The following FAM13C variants were observed in gnomAD, a reference collection of about 807,000 sequenced individuals.
FAM13C encodes the protein family with sequence similarity 13 member C.
Under a neutral mutation model 73.2 loss-of-function variants are expected in FAM13C, and 37 were observed. The ratio of observed to expected loss-of-function variants is 0.51; its 90% CI spans 0.39 to 0.67. FAM13C has a LOEUF of 0.67. Among genes scored for constraint, FAM13C ranks in the 30% least tolerant of loss-of-function variants. The probability of loss-of-function intolerance (pLI) is 0.00; values close to 1 mark genes in which losing one functional copy is unlikely to be tolerated. For missense variants in FAM13C, 589 were observed against 715.6 expected (o/e 0.82, Z 2.02); for synonymous variants, 246 against 260.9 (o/e 0.94, Z 0.55).
chr10:59,262,690 A>G, intron 9 of FAM13C, 45 bp from the exon 10 acceptor site: 2 of 1,509,002 alleles, frequency 1.3e-6, no homozygotes, highest in South Asian at 1.2e-5. Context: ...AGAACCCACT[A>G]GTTCTAAGAA....
At chr10:59,338,424 C>T (rs2134156867) in intron 3 of FAM13C, among the ~76,000 whole-genome samples, 1 of 152,292 alleles carries the variant, frequency 6.6e-6, no homozygotes, top group East Asian at 1.9e-4. Context: ...GAAAGAGGGT[C>T]CTGAATCATT....
chr10:59,291,216 G>A (rs1006400289), intron 5 of FAM13C, among the ~76,000 whole-genome samples: 4 of 152,156 alleles, frequency 2.6e-5, no homozygotes, highest in Admixed American at 6.5e-5. Flanking sequence ...CCTACCAGGA[G>A]GTATAAAGTG....
intron 3 of FAM13C, among the ~76,000 whole-genome samples, chr10:59,349,470 A>G (rs565976427): frequency 2.0e-5 from 3 of 152,298 alleles, no homozygotes; most frequent in Admixed American, 2.0e-4. Flanking sequence ...ACAAGAATTA[A>G]TTACACAAGA....
intron 7 of FAM13C, among the ~76,000 whole-genome samples, chr10:59,269,500 A>C (rs932002847): frequency 6.6e-6 from 1 of 152,104 alleles, no homozygotes; most frequent in African/African-American, 2.4e-5. Context: ...CTAGAATCTA[A>C]CAAGAAATGT....
chr10:59,362,334 C>T (rs1856515748), intron 1 of FAM13C, 65 bp downstream of exon 1: 2 of 1,582,428 alleles, frequency 1.3e-6, no homozygotes, highest in Middle Eastern at 1.7e-4. Flanking sequence ...GTGGAGGATA[C>T]CTTCACGATA....
rs2133708263 is a variant in FAM13C, at chr10:59,284,954, AC to A, written c.508-1508del. Among the ~76,000 whole-genome samples the A allele has an allele frequency of 2.0e-5, 3 of 151,338 alleles. No homozygotes were observed. The Middle Eastern group carries it at 0.01, about 522-fold the overall frequency. Reference sequence around the variant, plus strand: ...TAGACATCTATCCAACATCTCTCACACCCCAACTCCTCCCTTCCATGCAAGA... The same window carrying A: ...TAGACATCTATCCAACATCTCTCACACCCAACTCCTCCCTTCCATGCAAGA... On this transcript the variant is annotated intron_variant, in intron 5 of 13. Transcript: ENST00000618804.
chr10:59,352,817 G>T (rs1056402618), intron 2 of FAM13C, among the ~76,000 whole-genome samples: 3 of 152,132 alleles, frequency 2.0e-5, no homozygotes, highest in Non-Finnish European at 4.4e-5. Context: ...ATTCAGGTGA[G>T]ATATCATCAT....
Position 59,270,054 on chromosome 10 carries a change from G to A in FAM13C, c.648C>T (p.Asp216=). The A allele has an allele frequency of 1.2e-6, 2 of 1,613,782 alleles. No homozygotes were observed. Among genetic ancestry groups the A allele is most frequent in the Non-Finnish European group, 1.7e-6 (2 of 1,179,818 alleles). Residue 216 remains aspartate (D), a synonymous_variant, in exon 7 of 14, where the codon GAC becomes GAT. Transcript: ENST00000618804. The stretch of plus-strand genomic sequence containing the variant: ...GCCTGCTGGTCCCCACAGAGTGGAG[G>A]TCTTCTGGTGCACTGTCGGCCTCAT... The part of the protein sequence containing the change: ...GQNEADSAPE[D]LHSVGTSRLL...
At chr10:59,337,621 T>G (rs933086921) in intron 3 of FAM13C, among the ~76,000 whole-genome samples, 1 of 152,002 alleles carries the variant, frequency 6.6e-6, no homozygotes, top group Admixed American at 6.6e-5. Context: ...ACAATCAGTC[T>G]TTTCCAGACA....
At chr10:59,355,157 C>T (rs1855549740) in intron 2 of FAM13C, among the ~76,000 whole-genome samples, 1 of 152,120 alleles carries the variant, frequency 6.6e-6, no homozygotes, top group African/African-American at 2.4e-5. Flanking sequence ...TGCACTGTAG[C>T]ATCCACATCT....
Position 59,323,988 on chromosome 10 carries a change from C to G in FAM13C, c.443G>C (p.Arg148Thr). 2 of 1,613,400 alleles carry G rather than the reference C, an allele frequency of 1.2e-6. No individual in the cohort carries two copies. The highest frequency in any genetic ancestry group is 1.7e-6 in the Non-Finnish European group (2 of 1,179,346). The change falls in exon 4 of 14, where the codon AGA (arginine) becomes ACA (threonine). Residue 148 changes from arginine (R) to threonine (T), a missense_variant and splice_region_variant. Transcript: ENST00000618804. ...KCQETVRLQPRIDQRTAISPK... is the reference protein window; with the variant it reads ...KCQETVRLQPTIDQRTAISPK... ...TAGCTTCTGATAACAAAGGGCCCAC[C>G]TTGGTTGAAGTCGCACTGTTTCTTG...
At chr10:59,321,177 C>T (rs894611875) in intron 4 of FAM13C, among the ~76,000 whole-genome samples, 2 of 152,068 alleles carry the variant, frequency 1.3e-5, no homozygotes, top group South Asian at 4.1e-4. Context: ...TTAAGGACCT[C>T]GAGATAGGGA....
chr10:59,324,282 T>C (rs941585133), intron 3 of FAM13C, among the ~76,000 whole-genome samples, 176 bp from the exon 4 acceptor site: 1 of 152,022 alleles, frequency 6.6e-6, no homozygotes, highest in Admixed American at 6.6e-5. Context: ...CTTCTATCAG[T>C]CAGTTGCTGC....
intron 8 of FAM13C, 112 bp downstream of exon 8, chr10:59,268,441 A>G (rs895332197): frequency 3.5e-5 from 49 of 1,417,644 alleles, no homozygotes; most frequent in Non-Finnish European, 4.5e-5. Flanking sequence ...GGCCCATGGG[A>G]ACAGAGCTGT....
intron 3 of FAM13C, among the ~76,000 whole-genome samples, chr10:59,348,137 T>C (rs978667871): frequency 6.6e-6 from 1 of 152,236 alleles, no homozygotes; most frequent in Non-Finnish European, 1.5e-5. Flanking sequence ...TCTATGATGG[T>C]GCTTTTCAGT....
chr10:59,313,236 T>G (rs913095910), intron 4 of FAM13C, among the ~76,000 whole-genome samples: 1 of 152,174 alleles, frequency 6.6e-6, no homozygotes, highest in Non-Finnish European at 1.5e-5. Flanking sequence ...CAAAGCATAT[T>G]TGCCCTTAGT....
chr10:59,259,254 C>G (rs548816186), intron 10 of FAM13C, among the ~76,000 whole-genome samples: 1 of 152,230 alleles, frequency 6.6e-6, no homozygotes, highest in Non-Finnish European at 1.5e-5. Context: ...TGACTAAATA[C>G]CAAATGCGGA....
At chr10:59,306,152 G>T (rs756247727) in intron 4 of FAM13C, among the ~76,000 whole-genome samples, 1 of 152,130 alleles carries the variant, frequency 6.6e-6, no homozygotes, top group Non-Finnish European at 1.5e-5. Context: ...TAGGGCTTTG[G>T]TGCAAGCTCC....
Position 59,270,008 on chromosome 10 carries a change from C to T in FAM13C, c.694G>A (p.Gly232Ser). 1 of 1,613,930 alleles carries T rather than the reference C, an allele frequency of 6.2e-7. No individual in the cohort carries two copies. The highest frequency in any genetic ancestry group is 8.5e-7 in the Non-Finnish European group (1 of 1,179,898). The change falls in exon 7 of 14, where the codon GGT becomes AGT. Residue 232 changes from glycine (G) to serine (S), a missense_variant. Gly to Ser is a moderately conservative substitution (Grantham distance 56, BLOSUM62 0). Transcript: ENST00000618804. The part of the protein sequence containing the change: ...TSRLLYHITD[G>S]DNPLLSPRCS... The stretch of plus-strand genomic sequence containing the variant: ...CGTGGCGACAGCAGTGGGTTATCAC[C>T]ATCAGTGATGTGATAGAGCAGCCTG...
Sources: allele counts gnomAD v4.1 joint callset (sites outside exome capture counted in the v4.1 genomes callset), GRCh38; gene constraint gnomAD v4.1.1; transcripts MANE v1.5; gene names NCBI Gene and HGNC (gene_info 2026-07-23, HGNC 2026-07-21).